CCDC181: variants seen among roughly 807,000 people sequenced by gnomAD.
The protein encoded by CCDC181 is coiled-coil domain-containing protein 181.
Under a neutral mutation model 58.7 loss-of-function variants are expected in CCDC181, and 35 were observed. That is an observed-to-expected ratio of 0.60 (90% CI 0.46 to 0.79). The LOEUF (loss-of-function observed/expected upper bound fraction) is 0.79. Ranked by LOEUF, CCDC181 falls within the 30% of genes least tolerant of loss-of-function variation. The pLI is 0.00. For synonymous variants in CCDC181, 183 were observed against 197.5 expected (o/e 0.93, Z 0.62); for missense variants, 517 against 583.9 (o/e 0.89, Z 1.18).
chr1:169,456,882 A>G (rs923093674), intron 2 of CCDC181, among the ~76,000 whole-genome samples: 4 of 152,116 alleles, frequency 2.6e-5, no homozygotes, highest in African/African-American at 9.7e-5. Context: ...CTTTTATCTC[A>G]TCCTCACTTC....
chr1:169,438,345 TAG>T (rs1657113415), intron 2 of CCDC181, among the ~76,000 whole-genome samples: 1 of 151,986 alleles, frequency 6.6e-6, no homozygotes, highest in Non-Finnish European at 1.5e-5. Context: ...GCCGGCATAC[TAG>T]GTTTTCAGGT....
intron 4 of CCDC181, among the ~76,000 whole-genome samples, chr1:169,402,711 TG>T (rs1349390126): frequency 2.6e-5 from 4 of 152,070 alleles, no homozygotes; most frequent in Non-Finnish European, 5.9e-5. Context: ...CATGCCAAAA[TG>T]TAAAGACCAT....
chr1:169,422,178 A>C lies in CCDC181; in HGVS notation c.253T>G (p.Ser85Ala). The change falls in exon 3 of 6, where the codon TCT becomes GCT. Residue 85 changes from serine (S) to alanine (A), a missense_variant. By Grantham distance (99) the Ser-to-Ala change is moderately conservative (BLOSUM62 1). Coordinates refer to ENST00000367806, the MANE Select transcript of CCDC181 (RefSeq NM_001300969.2). ...EVSPRRNDII[S>A]VPGIQPLDPI... ...TCCAAAGGTTGAATACCTGGTACAG[A>C]AATGATGTCATTTCTTCTTGGTGAG... is the stretch of plus-strand genomic sequence containing the variant. The C allele has an allele frequency of 6.2e-7, 1 of 1,613,864 alleles. No individual in the cohort carries two copies. The highest frequency in any genetic ancestry group is 1.3e-5 in the African/African-American group (1 of 75,028).
At chr1:169,419,316 A>G (rs1656359477) in intron 3 of CCDC181, among the ~76,000 whole-genome samples, 157 bp from the exon 4 acceptor site, 1 of 152,196 alleles carries the variant, frequency 6.6e-6, no homozygotes, top group South Asian at 2.1e-4. Flanking sequence ...ACGGTGGCTC[A>G]TGCCTGTAAT....
intron 2 of CCDC181, among the ~76,000 whole-genome samples, chr1:169,457,532 C>T (rs1657709305): frequency 6.6e-6 from 1 of 152,072 alleles, no homozygotes; most frequent in Non-Finnish European, 1.5e-5. Flanking sequence ...TTACCATAGG[C>T]TAATTGATAC....
In CCDC181 at chr1:169,418,983, G is replaced by C; in HGVS notation, c.1215+30C>G. The C allele has an allele frequency of 4.5e-6, 7 of 1,555,834 alleles. No individual in the cohort carries two copies. The African/African-American group carries it at 5.4e-5, about 12-fold the overall frequency. On this transcript the variant is annotated intron_variant, in intron 4 of 5. Transcript: ENST00000367806. Reference sequence around the variant, plus strand: ...ATAAGTTCAGCTTTCATATCTGTATGAACTTATTTTTCAGAGAAGTTTTAC... The same window carrying C: ...ATAAGTTCAGCTTTCATATCTGTATCAACTTATTTTTCAGAGAAGTTTTAC...
At chr1:169,444,645 C>G (rs1317605879) in intron 2 of CCDC181, among the ~76,000 whole-genome samples, 2 of 152,068 alleles carry the variant, frequency 1.3e-5, no homozygotes, top group Non-Finnish European at 2.9e-5. Flanking sequence ...TGAATTCTTC[C>G]AAATATTTTA....
At chr1:169,396,943 AAATG>A (rs1655069458) in intron 5 of CCDC181, among the ~76,000 whole-genome samples, 1 of 152,114 alleles carries the variant, frequency 6.6e-6, no homozygotes, top group Non-Finnish European at 1.5e-5. Context: ...AGTAAACAAT[AAATG>A]ATAAGGTATC....
chr1:169,449,283 G>A (rs376791520), intron 2 of CCDC181, among the ~76,000 whole-genome samples: 115 of 152,236 alleles, frequency 7.6e-4, no homozygotes, highest in African/African-American at 2.6e-3. Flanking sequence ...GTGAGGTTTT[G>A]TTTTAATATG....
intron 4 of CCDC181, among the ~76,000 whole-genome samples, chr1:169,408,856 A>G (rs1655810753): frequency 6.6e-6 from 1 of 152,224 alleles, no homozygotes; most frequent in African/African-American, 2.4e-5. Context: ...AACAAAAAGG[A>G]TATCCACACA....
chr1:169,443,780 A>G (rs765336518), intron 2 of CCDC181, among the ~76,000 whole-genome samples: 1 of 152,200 alleles, frequency 6.6e-6, no homozygotes, highest in African/African-American at 2.4e-5. Context: ...AAGAATAATC[A>G]TCTTCTGCTC....
At position 169,397,367 on chromosome 1, in the gene CCDC181, C is replaced by G. The variant is rs760620306; in HGVS notation, c.1240G>C (p.Ala414Pro). Residue 414 changes from alanine (A) to proline (P), a missense_variant, in exon 5 of 6, where the codon GCT (alanine) becomes CCT (proline). Transcript: ENST00000367806. ...SRQENRDPQQAFRLWLKKKHE... is the reference protein window; with the variant it reads ...SRQENRDPQQPFRLWLKKKHE... ...TTTTTTTTAAGCCATAATCGAAAAGCTTGTTGTGGATCTCTGTTTTCCTGC... is the reference window on the plus strand; with the variant it reads ...TTTTTTTTAAGCCATAATCGAAAAGGTTGTTGTGGATCTCTGTTTTCCTGC... 2.5e-6 allele frequency: 4 copies of G among 1,607,860 alleles called. No individual in the cohort carries two copies. The African/African-American group carries it at 5.4e-5, about 22-fold the overall frequency.
chr1:169,405,315 T>C (rs1655586771), intron 4 of CCDC181, among the ~76,000 whole-genome samples: 1 of 152,190 alleles, frequency 6.6e-6, no homozygotes, highest in Non-Finnish European at 1.5e-5. Flanking sequence ...ACTTTAAAGT[T>C]CATATGGAAC....
chr1:169,433,428 T>C (rs1208390867), intron 2 of CCDC181, among the ~76,000 whole-genome samples: 1 of 151,874 alleles, frequency 6.6e-6, no homozygotes, highest in East Asian at 1.9e-4. Flanking sequence ...AAAGCAGAAA[T>C]AAATCCATCC....
Position 169,421,612 on chromosome 1 carries a change from T to C in CCDC181, c.819A>G (p.Thr273=), listed in dbSNP as rs201296034. 1.2e-6 allele frequency: 2 copies of C among 1,614,180 alleles called. No individual in the cohort carries two copies. The highest frequency in any genetic ancestry group is 2.2e-5 in the East Asian group (1 of 44,880). Residue 273 remains threonine, a synonymous_variant, in exon 3 of 6, where the codon ACA becomes ACG. Coordinates refer to ENST00000367806, the MANE Select transcript of CCDC181 (RefSeq NM_001300969.2). ...AGTGAGTGACAGCATGAATCTTTGC[T>C]GTAGAATCTTCTTTCTTGGTGCCAC... ...SVSGTKKEDS[T]AKIHAVTHSS... is the part of the protein sequence containing the mutation.
chr1:169,450,103 G>A (rs1401112902), intron 2 of CCDC181, among the ~76,000 whole-genome samples: 1 of 152,120 alleles, frequency 6.6e-6, no homozygotes, highest in African/African-American at 2.4e-5. Flanking sequence ...GTTGGCCTGT[G>A]TCCCTGGGCT....
chr1:169,395,792 C>G (rs1449815794), intron 5 of CCDC181: 2 of 151,164 alleles, frequency 1.3e-5, no homozygotes, highest in Admixed American at 1.3e-4. Flanking sequence ...ACTGCATATA[C>G]ATATATACCT....
chr1:169,439,202 A>G (rs1224144245), intron 2 of CCDC181, among the ~76,000 whole-genome samples: 1 of 151,954 alleles, frequency 6.6e-6, no homozygotes, highest in African/African-American at 2.4e-5. Flanking sequence ...CCATGGGGCT[A>G]CAAGACCAGT....
intron 2 of CCDC181, among the ~76,000 whole-genome samples, chr1:169,459,054 TAAAA>T (rs1431377760): frequency 6.6e-6 from 1 of 152,084 alleles, no homozygotes; most frequent in Non-Finnish European, 1.5e-5. Flanking sequence ...AAAAATAAAA[TAAAA>T]TAAAAAGGGC....
Sources: allele counts gnomAD v4.1 joint callset (sites outside exome capture counted in the v4.1 genomes callset), GRCh38; gene constraint gnomAD v4.1.1; transcripts MANE v1.5; gene names NCBI Gene and HGNC (gene_info 2026-07-23, HGNC 2026-07-21).